Variants in DUSP12 observed in about 807,000 individuals in gnomAD.
DUSP12 encodes the protein dual specificity protein phosphatase 12.
Under a neutral mutation model 38.9 loss-of-function variants are expected in DUSP12, and 25 were observed. The ratio of observed to expected loss-of-function variants is 0.64; its 90% CI spans 0.47 to 0.90. DUSP12 has a LOEUF of 0.90. Ranked by LOEUF, DUSP12 falls within the 40% of genes least tolerant of loss-of-function variation. The probability of loss-of-function intolerance (pLI) is 0.00; values close to 1 mark genes in which losing one functional copy is unlikely to be tolerated. For synonymous variants in DUSP12, 153 were observed against 153.9 expected (o/e 0.99, Z 0.05); for missense variants, 403 against 427.0 (o/e 0.94, Z 0.50).
rs766997737 is a variant in DUSP12 at position 161,753,312 on chromosome 1, T to C, written c.861+51T>C. The C allele has an allele frequency of 2.1e-6, 3 of 1,418,048 alleles. No individual in the cohort carries two copies. In the Admixed American group the frequency reaches 7.3e-5, roughly 34 times the overall value. The allele number at this position is 1,418,048 out of a possible 1,614,324, so 87.8% of individuals were successfully genotyped here. On this transcript the variant is annotated intron_variant, in intron 5 of 5. Coordinates refer to ENST00000367943, the MANE Select transcript of DUSP12 (RefSeq NM_007240.3). ...ATTTTATTTTATGATCTATATTTTA[T>C]TCCTTCTTGCATTTTAAGCTCTATT...
intron 5 of DUSP12, 26 bp downstream of exon 5, chr1:161,753,287 A>G (rs369239269): frequency 8.7e-6 from 13 of 1,497,862 alleles, no homozygotes; most frequent in African/African-American, 5.7e-5. Flanking sequence ...ATTTTCTACA[A>G]TTTTATTTTA....
At chr1:161,751,542 TG>T in intron 1 of DUSP12, 125 bp from the exon 2 acceptor site, 1 of 1,175,734 alleles carries the variant, frequency 8.5e-7, no homozygotes, top group Non-Finnish European at 1.2e-6. Context: ...TCAGAGGCAA[TG>T]GGCTTATTTG....
chr1:161,755,992 A>G (rs553113524), intron 5 of DUSP12, among the ~76,000 whole-genome samples: 1 of 152,196 alleles, frequency 6.6e-6, no homozygotes, highest in South Asian at 2.1e-4. Flanking sequence ...GGTAGCTGTG[A>G]TTACAGGCAT....
chr1:161,756,201 A>C (rs954296447), intron 5 of DUSP12, among the ~76,000 whole-genome samples: 1 of 152,166 alleles, frequency 6.6e-6, no homozygotes, highest in Non-Finnish European at 1.5e-5. Context: ...CAAGATTAAA[A>C]ATAAAAACTC....
At chr1:161,754,273 G>A (rs1684075711) in intron 5 of DUSP12, among the ~76,000 whole-genome samples, 2 of 152,134 alleles carry the variant, frequency 1.3e-5, no homozygotes, top group Non-Finnish European at 1.5e-5. Flanking sequence ...TTTATGAGTA[G>A]TGTCTTGCCT....
chr1:161,753,174 C>T lies in DUSP12; in HGVS notation c.774C>T (p.Thr258=). ...GAATGACACCATCTTCCATGCTTAC[C>T]ACAGGGAGGCAAGCTCAATGTACAT... ...HKRMTPSSML[T]TGRQAQCTSY... is the part of the protein sequence containing the mutation. The change falls in exon 5 of 6, where the codon ACC becomes ACT. Residue 258 remains threonine, a synonymous_variant. Coordinates refer to ENST00000367943, the MANE Select transcript of DUSP12 (RefSeq NM_007240.3). 6.2e-7 allele frequency: 1 copy of T among 1,614,038 alleles called. No homozygotes were observed. The highest frequency in any genetic ancestry group is 8.5e-7 in the Non-Finnish European group (1 of 1,179,958).
intron 5 of DUSP12, among the ~76,000 whole-genome samples, chr1:161,756,149 A>C (rs1233877499): frequency 6.6e-6 from 1 of 152,076 alleles, no homozygotes; most frequent in Non-Finnish European, 1.5e-5. Flanking sequence ...GAGCCACCAC[A>C]CTCAGCCTGC....
chr1:161,750,202 C>G (rs1473202619), intron 1 of DUSP12, 57 bp downstream of exon 1: 1 of 1,554,376 alleles, frequency 6.4e-7, no homozygotes, highest in African/African-American at 1.4e-5. Context: ...CGGCCCCCGT[C>G]GCCCCTTACC....
At chr1:161,750,626 A>T (rs1684004683) in intron 1 of DUSP12, among the ~76,000 whole-genome samples, 1 of 152,084 alleles carries the variant, frequency 6.6e-6, no homozygotes, top group South Asian at 2.1e-4. Context: ...TAGGGAGGAG[A>T]TGGTTGCAGC....
intron 5 of DUSP12, among the ~76,000 whole-genome samples, chr1:161,754,873 C>A (rs1019819284): frequency 6.6e-6 from 1 of 152,130 alleles, no homozygotes; most frequent in Admixed American, 6.5e-5. Context: ...TCTTGTTGCC[C>A]AGGCTGGAGT....
chr1:161,750,623 G>A (rs1439045874), intron 1 of DUSP12, among the ~76,000 whole-genome samples: 2 of 152,196 alleles, frequency 1.3e-5, no homozygotes, highest in African/African-American at 2.4e-5. Context: ...GCCTAGGGAG[G>A]AGATGGTTGC....
At chr1:161,754,080 A>G (rs1684072242) in intron 5 of DUSP12, among the ~76,000 whole-genome samples, 1 of 152,214 alleles carries the variant, frequency 6.6e-6, no homozygotes. Flanking sequence ...CTTGATATTA[A>G]TGTGAAGGTA....
chr1:161,753,052 TTTTG>T lies in DUSP12; in HGVS notation c.675-14_675-11del. 1.3e-6 allele frequency: 2 copies of T among 1,576,704 alleles called. No individual in the cohort carries two copies. Among genetic ancestry groups the T allele is most frequent in the Non-Finnish European group, 1.7e-6 (2 of 1,162,126 alleles). On this transcript the variant is annotated intron_variant, in intron 4 of 5. Coordinates refer to ENST00000367943, the MANE Select transcript of DUSP12 (RefSeq NM_007240.3). ...TCATCCTTTTGGAAGTCATTAATGCTTTTGTTTGTTTGGGGGTTGCAGGCGATCA... is the reference window on the plus strand; with the variant it reads ...TCATCCTTTTGGAAGTCATTAATGCTTTTGTTTGGGGGTTGCAGGCGATCA...
rs925254568 is a variant in DUSP12 at position 161,751,725 on chromosome 1, C to A, written c.402C>A (p.Asp134Glu). ...TAACTGCTTTTCTCATGAAGACTGA[C>A]CAACTTCCCTTTGAAAAAGCCTATG... ...AIITAFLMKT[D>E]QLPFEKAYEK... Residue 134 changes from aspartate (D) to glutamate (E), a missense_variant, in exon 2 of 6, where the codon GAC becomes GAA. Transcript: ENST00000367943. 6.2e-7 allele frequency: 1 copy of A among 1,613,456 alleles called. No homozygotes were observed. Among genetic ancestry groups the A allele is most frequent in the Non-Finnish European group, 8.5e-7 (1 of 1,179,824 alleles).
intron 5 of DUSP12, 30 bp from the exon 6 acceptor site, chr1:161,756,756 G>T: frequency 1.9e-6 from 3 of 1,607,262 alleles, no homozygotes; most frequent in South Asian, 1.1e-5. Context: ...AAAAGTGAAT[G>T]AATAAAGTAA....
intron 5 of DUSP12, among the ~76,000 whole-genome samples, chr1:161,754,864 CTT>C (rs1007883418): frequency 6.6e-6 from 1 of 152,082 alleles, no homozygotes; most frequent in Non-Finnish European, 1.5e-5. Flanking sequence ...GAGTTTCACT[CTT>C]GTTGCCCAGG....
intron 5 of DUSP12, among the ~76,000 whole-genome samples, chr1:161,753,738 A>C (rs1684066212): frequency 6.6e-6 from 1 of 152,160 alleles, no homozygotes; most frequent in Non-Finnish European, 1.5e-5. Flanking sequence ...AAAGAAAAGA[A>C]AAAATGTATT....
At chr1:161,750,703 G>A (rs1375396881) in intron 1 of DUSP12, among the ~76,000 whole-genome samples, 4 of 152,074 alleles carry the variant, frequency 2.6e-5, no homozygotes, top group Admixed American at 2.6e-4. Flanking sequence ...CAGCACTTTG[G>A]GAGGCAGGAG....
intron 1 of DUSP12, 102 bp from the exon 2 acceptor site, chr1:161,751,566 G>A (rs1015667624): frequency 3.2e-5 from 45 of 1,402,072 alleles, no homozygotes; most frequent in Admixed American, 1.7e-4. Flanking sequence ...AAGCAAAAAT[G>A]AAGTGGGCCT....
Sources: allele counts gnomAD v4.1 joint callset (sites outside exome capture counted in the v4.1 genomes callset), GRCh38; gene constraint gnomAD v4.1.1; transcripts MANE v1.5; gene names NCBI Gene and HGNC (gene_info 2026-07-23, HGNC 2026-07-21).